The following LSM8 variants were observed in gnomAD, a reference collection of about 807,000 sequenced individuals.
LSM8 encodes the protein LSM8 homolog, U6 small nuclear RNA associated.
In LSM8, 14 loss-of-function variants were observed where a neutral mutation model predicts 15.0. The observed-to-expected ratio is 0.93, with a 90% CI of 0.62 to 1.46. The LOEUF (loss-of-function observed/expected upper bound fraction) is 1.46, where lower values mean the gene tolerates loss of function less well. LSM8 is among the 40% of genes most tolerant of loss of function. The probability of loss-of-function intolerance (pLI) is 0.00; values close to 1 mark genes in which losing one functional copy is unlikely to be tolerated. For missense variants in LSM8, 90 were observed against 115.4 expected (o/e 0.78, Z 1.01); for synonymous variants, 50 against 42.1 (o/e 1.19, Z -0.73).
At chr7:118,184,420 C>T (rs925270229) in intron 1 of LSM8, 166 bp downstream of exon 1, 6 of 761,902 alleles carry the variant, frequency 7.9e-6, no homozygotes, top group African/African-American at 1.9e-5. Context: ...CTCGAGCCTT[C>T]CCGCTGCTGC....
chr7:118,184,525 C>G lies in LSM8; in HGVS notation c.31+271C>G, dbSNP rs554823152. 1.3e-5 allele frequency: 5 copies of G among 371,722 alleles called. No homozygotes were observed. The South Asian group carries it at 2.0e-4, about 15-fold the overall frequency. 23.0% of individuals were successfully genotyped at this position (371,722 alleles called of 1,614,324 possible). ...TTCTGTCTTAAAAAAAATGTACGCT[C>G]TTGATTCTTACTTACTATTTCCCTA... On this transcript the variant is annotated intron_variant, in intron 1 of 3. Transcript: ENST00000249299.
At chr7:118,187,429 T>TTTAATTAGTA (rs1808905529) in intron 2 of LSM8, among the ~76,000 whole-genome samples, 1 of 152,226 alleles carries the variant, frequency 6.6e-6, no homozygotes, top group South Asian at 2.1e-4. Context: ...ATTAGTATAG[T>TTTAATTAGTA]CACATTTGTA....
chr7:118,202,259 G>T lies in LSM8; in HGVS notation c.*10257G>T, dbSNP rs1182591570. Among the ~76,000 whole-genome samples, 2 of 152,046 alleles carry T rather than the reference G, an allele frequency of 1.3e-5. No individual in the cohort carries two copies. The highest frequency in any genetic ancestry group is 3.9e-4 in the East Asian group (2 of 5,190). On this transcript the variant is annotated 3_prime_UTR_variant, in exon 4 of 4. Transcript: ENST00000249299. ...ACGATTATTATTGGTGAGTACATCA[G>T]TTAGAATGGTATTTGGCTATAAGCA...
In LSM8 at chr7:118,198,979, T is replaced by C. The variant is rs1190998553; in HGVS notation, c.*6977T>C. Among the ~76,000 whole-genome samples, 1 of 152,164 alleles carries C rather than the reference T, an allele frequency of 6.6e-6. No homozygotes were observed. Among genetic ancestry groups the C allele is most frequent in the Non-Finnish European group, 1.5e-5 (1 of 68,032 alleles). On this transcript the variant is annotated 3_prime_UTR_variant, in exon 4 of 4. Coordinates refer to ENST00000249299, the MANE Select transcript of LSM8 (RefSeq NM_016200.5). ...TCATAAAAACCCTGAACACCAAGGC[T>C]CAAGAGAGCTTATTAGCAATACTTT...
chr7:118,197,528 C>G lies in LSM8; in HGVS notation c.*5526C>G, dbSNP rs1264329731. Reference sequence around the variant, plus strand: ...GTTGCCAGAAAATGCTGCACTATGGCTTATTTCACATTTTAAAATAAATGC... The same window carrying G: ...GTTGCCAGAAAATGCTGCACTATGGGTTATTTCACATTTTAAAATAAATGC... On this transcript the variant is annotated 3_prime_UTR_variant, in exon 4 of 4. Coordinates refer to ENST00000249299, the MANE Select transcript of LSM8 (RefSeq NM_016200.5). Among the ~76,000 whole-genome samples the G allele has an allele frequency of 1.3e-5, 2 of 152,050 alleles. No individual in the cohort carries two copies. Among genetic ancestry groups the G allele is most frequent in the African/African-American group, 4.8e-5 (2 of 41,396 alleles).
chr7:118,192,396 C>G lies in LSM8; in HGVS notation c.*394C>G, dbSNP rs991210795. On this transcript the variant is annotated 3_prime_UTR_variant, in exon 4 of 4. Transcript: ENST00000249299. ...TTCTTTCCCTGATGTTTAGGAAAAT[C>G]ACAGGAGGGTAAATCTTTGCTGGAG... 6.4e-6 allele frequency: 1 copy of G among 155,984 alleles called. No individual in the cohort carries two copies. 9.7% of individuals were successfully genotyped at this position (155,984 alleles called of 1,614,324 possible).
chr7:118,185,664 C>T lies in LSM8; in HGVS notation c.42C>T (p.Ala14=), dbSNP rs769526110. The change falls in exon 2 of 4, where the codon GCC becomes GCT. Residue 14 remains alanine, a synonymous_variant. Transcript: ENST00000249299. Reference sequence around the variant, plus strand: ...TGATTCAGTTATCAGGAACTGTTGCCGTTATTACATCAGATGGGAGAATGA... The same window carrying T: ...TGATTCAGTTATCAGGAACTGTTGCTGTTATTACATCAGATGGGAGAATGA... The part of the protein sequence containing the change: ...ALENYINRTV[A]VITSDGRMIV... 2.5e-6 allele frequency: 4 copies of T among 1,610,384 alleles called. No homozygotes were observed. The highest frequency in any genetic ancestry group is 3.4e-6 in the Non-Finnish European group (4 of 1,176,974).
Position 118,188,359 on chromosome 7 carries a change from G to T in LSM8, c.154G>T (p.Val52Leu). The T allele has an allele frequency of 1.2e-6, 2 of 1,613,274 alleles. No individual in the cohort carries two copies. The highest frequency in any genetic ancestry group is 1.7e-6 in the Non-Finnish European group (2 of 1,179,302). ...ACGAGTATTCAGCTCTTCACAGGGG[G>T]TAGAACAAGTGGTACTAGGATTATA... ...HERVFSSSQG[V>L]EQVVLGLYIV... The change falls in exon 3 of 4, where the codon GTA becomes TTA. Residue 52 changes from valine (V) to leucine (L), a missense_variant. By Grantham distance (32) the Val-to-Leu change is conservative (BLOSUM62 1). Coordinates refer to ENST00000249299, the MANE Select transcript of LSM8 (RefSeq NM_016200.5).
chr7:118,191,271 TTTAAAG>T (rs1490345645), intron 3 of LSM8: 3 of 152,242 alleles, frequency 2.0e-5, no homozygotes, highest in African/African-American at 7.2e-5. Context: ...TATTAATGAA[TTTAAAG>T]TTATAGATAC....
In LSM8 at chr7:118,201,438, C is replaced by T. The variant is rs1809172441; in HGVS notation, c.*9436C>T. ...CCAGCGATGCCTAAAGATGTGACTC[C>T]TAGACTTTTCACTTACATGAGCCAA... is the stretch of plus-strand genomic sequence containing the variant. On this transcript the variant is annotated 3_prime_UTR_variant, in exon 4 of 4. Transcript: ENST00000249299. 6.6e-6 allele frequency among the ~76,000 whole-genome samples: 1 copy of T among 151,988 alleles called. No individual in the cohort carries two copies. The highest frequency in any genetic ancestry group is 1.5e-5 in the Non-Finnish European group (1 of 67,952).
Position 118,190,355 on chromosome 7 carries a change from G to A in LSM8, c.201-1557G>A, listed in dbSNP as rs540291593. ...AGCTGTGCATAGTAATTGATTTTAAGGTTTCTCCTACTTAAAACAATTTTT... is the reference window on the plus strand; with the variant it reads ...AGCTGTGCATAGTAATTGATTTTAAAGTTTCTCCTACTTAAAACAATTTTT... On this transcript the variant is annotated intron_variant, in intron 3 of 3. Transcript: ENST00000249299. 7.3e-4 allele frequency: 111 copies of A among 152,238 alleles called. 1 individual carries two copies. Among genetic ancestry groups the A allele is most frequent in the African/African-American group, 2.6e-3 (107 of 41,552 alleles). 9.4% of individuals were successfully genotyped at this position (152,238 alleles called of 1,614,324 possible).
At chr7:118,185,783 C>T in intron 2 of LSM8, 89 bp downstream of exon 2, 1 of 1,114,918 alleles carries the variant, frequency 9.0e-7, no homozygotes, top group Non-Finnish European at 1.4e-6. Flanking sequence ...AATGCCTAGA[C>T]AGCACATTAC....
Position 118,184,256 on chromosome 7 carries a change from T to C in LSM8, c.31+2T>C. 3.3e-6 allele frequency: 5 copies of C among 1,503,740 alleles called. No individual in the cohort carries two copies. The highest frequency in any genetic ancestry group is 4.5e-6 in the Non-Finnish European group (5 of 1,119,030). The allele number at this position is 1,503,740 out of a possible 1,614,324, so 93.1% of individuals were successfully genotyped here. A position where few individuals can be genotyped will look rare whatever the true frequency, so the allele number is the denominator to read the frequency against. Reference sequence around the variant, plus strand: ...CCGCTTTGGAGAACTACATCAACCGTATCCTCAAGCTGGCCGCCGCGGGCG... The same window carrying C: ...CCGCTTTGGAGAACTACATCAACCGCATCCTCAAGCTGGCCGCCGCGGGCG... On this transcript the variant is annotated splice_donor_variant, in intron 1 of 3. Coordinates refer to ENST00000249299, the MANE Select transcript of LSM8 (RefSeq NM_016200.5). LOFTEE classifies it high-confidence loss of function.
intron 2 of LSM8, among the ~76,000 whole-genome samples, chr7:118,187,243 TA>T (rs1808903804): frequency 6.6e-6 from 1 of 152,240 alleles, no homozygotes; most frequent in South Asian, 2.1e-4. Context: ...TTTCAGAAGA[TA>T]AAACAGTTTA....
At chr7:118,186,596 T>C (rs571745395) in intron 2 of LSM8, among the ~76,000 whole-genome samples, 164 of 152,346 alleles carry the variant, frequency 1.1e-3, no homozygotes, top group South Asian at 7.5e-3. Flanking sequence ...TTATTTAATG[T>C]ACAGTAAAAA....
rs1364946054 is a variant in LSM8, at chr7:118,200,447, G to T, written c.*8445G>T. Among the ~76,000 whole-genome samples the T allele has an allele frequency of 6.6e-6, 1 of 152,074 alleles. No individual in the cohort carries two copies. On this transcript the variant is annotated 3_prime_UTR_variant, in exon 4 of 4. Coordinates refer to ENST00000249299, the MANE Select transcript of LSM8 (RefSeq NM_016200.5). ...AGCAATATTCACATGACATCTTTCGGATCTGGAATCTTAATTACCATTAGG... is the reference window on the plus strand; with the variant it reads ...AGCAATATTCACATGACATCTTTCGTATCTGGAATCTTAATTACCATTAGG...
Position 118,195,655 on chromosome 7 carries a change from T to G in LSM8, c.*3653T>G, listed in dbSNP as rs1185936340. 1.3e-5 allele frequency among the ~76,000 whole-genome samples: 2 copies of G among 152,204 alleles called. No individual in the cohort carries two copies. Among genetic ancestry groups the G allele is most frequent in the African/African-American group, 4.8e-5 (2 of 41,448 alleles). Reference sequence around the variant, plus strand: ...TGTAAACTCAAAGGTCTTTCACATGTAAAGAGGAACCTCTCCATTCTGTAC... The same window carrying G: ...TGTAAACTCAAAGGTCTTTCACATGGAAAGAGGAACCTCTCCATTCTGTAC... On this transcript the variant is annotated 3_prime_UTR_variant, in exon 4 of 4. Transcript: ENST00000249299.
Position 118,197,512 on chromosome 7 carries a change from A to T in LSM8, c.*5510A>T, listed in dbSNP as rs1380067936. On this transcript the variant is annotated 3_prime_UTR_variant, in exon 4 of 4. Transcript: ENST00000249299. ...TCATTAACTGATACAAGTTGCCAGA[A>T]AATGCTGCACTATGGCTTATTTCAC... Among the ~76,000 whole-genome samples, 1 of 152,226 alleles carries T rather than the reference A, an allele frequency of 6.6e-6. No homozygotes were observed. The highest frequency in any genetic ancestry group is 1.9e-4 in the East Asian group (1 of 5,198).
rs904975030 is a variant in LSM8 at position 118,190,065 on chromosome 7, C to T, written c.200+1660C>T. ...CAAAAGATACATTAGCAATTTTAAGCTAGAACATTTAACAAATTCTAGGGG... is the reference window on the plus strand; with the variant it reads ...CAAAAGATACATTAGCAATTTTAAGTTAGAACATTTAACAAATTCTAGGGG... On this transcript the variant is annotated intron_variant, in intron 3 of 3. Transcript: ENST00000249299. 3.3e-5 allele frequency: 5 copies of T among 152,098 alleles called. 1 individual carries two copies. The highest frequency in any genetic ancestry group is 1.3e-4 in the Admixed American group (2 of 15,268). 9.4% of individuals were successfully genotyped at this position (152,098 alleles called of 1,614,324 possible).
Sources: allele counts gnomAD v4.1 joint callset (sites outside exome capture counted in the v4.1 genomes callset), GRCh38; gene constraint gnomAD v4.1.1; transcripts MANE v1.5; gene names NCBI Gene and HGNC (gene_info 2026-07-23, HGNC 2026-07-21).